Variants in MAJIN observed in about 807,000 individuals in gnomAD.
MAJIN encodes the protein membrane-anchored junction protein.
In MAJIN, 27 loss-of-function variants were observed where a neutral mutation model predicts 30.2. The observed-to-expected ratio is 0.89, with a 90% CI of 0.66 to 1.23. The LOEUF is 1.23. MAJIN is among the 50% of genes most tolerant of loss of function. MAJIN has a pLI of 0.00. For missense variants in MAJIN, 253 were observed against 260.3 expected (o/e 0.97, Z 0.19); for synonymous variants, 78 against 91.6 (o/e 0.85, Z 0.85).
intron 8 of MAJIN, among the ~76,000 whole-genome samples, chr11:64,945,692 C>T (rs1945440895): frequency 6.6e-6 from 1 of 151,904 alleles, no homozygotes; most frequent in African/African-American, 2.4e-5. Flanking sequence ...CCCACCACCA[C>T]ACTTGGCTAA....
rs1336029470 is a variant in MAJIN at position 64,950,368 on chromosome 11, G to A, written c.210C>T (p.Phe70=). ...DNLQPFATEH[F]IVFPYKSKWE... ...AAAAAAGGATACAGGGAAATACAAT[G>A]AAGTGTTCTGTAGCAAAGGGCTGAA... Residue 70 remains phenylalanine, a synonymous_variant, in exon 5 of 11, where the codon TTC becomes TTT. Coordinates refer to ENST00000301896, the MANE Select transcript of MAJIN (RefSeq NM_001037225.3). The A allele has an allele frequency of 7.3e-7, 1 of 1,376,328 alleles. No homozygotes were observed. The highest frequency in any genetic ancestry group is 1.2e-5 in the South Asian group (1 of 86,232). 85.3% of individuals were successfully genotyped at this position (1,376,328 alleles called of 1,614,324 possible).
At chr11:64,955,247 ATCAG>A (rs1364425226) in intron 3 of MAJIN, among the ~76,000 whole-genome samples, 3 of 152,266 alleles carry the variant, frequency 2.0e-5, no homozygotes, top group Non-Finnish European at 4.4e-5. Flanking sequence ...AGGCTGTACT[ATCAG>A]TCAAAGAAAT....
intron 9 of MAJIN, 50 bp downstream of exon 9, chr11:64,940,513 AGAACTACAAGG>A (rs1279234437): frequency 1.3e-6 from 2 of 1,533,742 alleles, no homozygotes; most frequent in Admixed American, 3.3e-5. Context: ...TACATATCAG[AGAACTACAAGG>A]GAAAGGGTGA....
intron 8 of MAJIN, among the ~76,000 whole-genome samples, chr11:64,944,258 C>G (rs1007702931): frequency 6.6e-6 from 1 of 152,236 alleles, no homozygotes; most frequent in Non-Finnish European, 1.5e-5. Flanking sequence ...ATTCGGACTT[C>G]TCCAGTAACA....
intron 6 of MAJIN, among the ~76,000 whole-genome samples, chr11:64,948,863 A>G (rs1311520449): frequency 6.8e-6 from 1 of 147,180 alleles, no homozygotes; most frequent in East Asian, 2.1e-4. Flanking sequence ...CACGTTGGTC[A>G]GGCTGGTCTT....
At chr11:64,942,464 T>C (rs1040630716) in intron 8 of MAJIN, among the ~76,000 whole-genome samples, 19 of 151,950 alleles carry the variant, frequency 1.3e-4, no homozygotes, top group Non-Finnish European at 1.9e-4. Context: ...CCAAAGTCCA[T>C]TGTATCATTC....
intron 4 of MAJIN, among the ~76,000 whole-genome samples, chr11:64,951,716 G>A (rs1945553649): frequency 7.1e-6 from 1 of 141,688 alleles, no homozygotes; most frequent in Admixed American, 7.3e-5. Flanking sequence ...AGTGAGCTAT[G>A]ATTGCATCAC....
chr11:64,966,230 A>C (rs1030142876), intron 1 of MAJIN, among the ~76,000 whole-genome samples: 22 of 151,546 alleles, frequency 1.5e-4, no homozygotes, highest in Admixed American at 5.9e-4. Flanking sequence ...GGAAAGAAAG[A>C]AAGCAATTTT....
rs200374744 is a variant in MAJIN at position 64,940,627 on chromosome 11, T to G, written c.493A>C (p.Asn165His). 5 of 1,614,112 alleles carry G rather than the reference T, an allele frequency of 3.1e-6. No individual in the cohort carries two copies. The African/African-American group carries it at 5.3e-5, about 17-fold the overall frequency. Residue 165 changes from asparagine to histidine, a missense_variant, in exon 9 of 11, where the codon AAC becomes CAC. Transcript: ENST00000301896. ...GLDRIGKEKP[N>H]KDCRRLWPLI... ...GGCCAGAGTCTCCTGCAATCCTTGT[T>G]GGGTTTTTCTTTCCCTATTCTGTTA...
intron 1 of MAJIN, among the ~76,000 whole-genome samples, chr11:64,962,422 T>C (rs542604878): frequency 2.7e-5 from 4 of 148,670 alleles, no homozygotes; most frequent in South Asian, 2.1e-4. Flanking sequence ...CATTGAGTAC[T>C]GTGGCCATGG....
In MAJIN at chr11:64,939,746, A is replaced by T; in HGVS notation, c.568T>A (p.Cys190Ser). The change falls in exon 10 of 11, where the codon TGC (cysteine) becomes AGC (serine). Residue 190 changes from cysteine (C) to serine (S), a missense_variant. Coordinates refer to ENST00000301896, the MANE Select transcript of MAJIN (RefSeq NM_001037225.3). The part of the protein sequence containing the change: ...RNKILSGDTA[C>S]QGELSHPCST... ...CAGGGGTGGGACAATTCGCCCTGGC[A>T]GGCTGTGTCCCCACTCAGAATCTGT... 4 of 1,613,970 alleles carry T rather than the reference A, an allele frequency of 2.5e-6. No individual in the cohort carries two copies. Among genetic ancestry groups the T allele is most frequent in the Non-Finnish European group, 3.4e-6 (4 of 1,179,908 alleles).
At chr11:64,964,622 T>A in intron 1 of MAJIN, among the ~76,000 whole-genome samples, 1 of 149,200 alleles carries the variant, frequency 6.7e-6, no homozygotes. Context: ...TGAGACAGAG[T>A]CTCACTCTGT....
chr11:64,939,272 T>C (rs1428384460), intron 10 of MAJIN, among the ~76,000 whole-genome samples: 1 of 152,170 alleles, frequency 6.6e-6, no homozygotes, highest in East Asian at 1.9e-4. Context: ...CGGCTAATTT[T>C]GTATTTTTAG....
chr11:64,959,315 TC>T lies in MAJIN; in HGVS notation c.90del (p.Lys31ArgfsTer8). ...TACCTTTGAAATTACCTGATACTCT[TC>T]CCATATCTGATTTTGAATTTATACA... ...PNVYKFKIRYGKSIRGEEIEN... is the reference protein window; with the variant it reads ...PNVYKFKIRYXKSIRGEEIEN... On this transcript the variant is annotated frameshift_variant, in exon 3 of 11. Transcript: ENST00000301896. LOFTEE classifies it high-confidence loss of function. 1 of 1,612,238 alleles carries T rather than the reference TC, an allele frequency of 6.2e-7. No homozygotes were observed. The highest frequency in any genetic ancestry group is 8.5e-7 in the Non-Finnish European group (1 of 1,178,278).
intron 1 of MAJIN, among the ~76,000 whole-genome samples, chr11:64,965,723 G>A (rs1055799330): frequency 6.6e-6 from 1 of 152,008 alleles, no homozygotes; most frequent in Non-Finnish European, 1.5e-5. Context: ...TTGGGAGGCC[G>A]AGGCGGGCTG....
At chr11:64,967,149 T>A (rs1945824639) in intron 1 of MAJIN, among the ~76,000 whole-genome samples, 2 of 151,866 alleles carry the variant, frequency 1.3e-5, no homozygotes, top group Admixed American at 1.3e-4. Flanking sequence ...GGCTCATACC[T>A]GTAATCCCAG....
intron 1 of MAJIN, among the ~76,000 whole-genome samples, chr11:64,970,089 C>T (rs955091576): frequency 1.3e-5 from 2 of 152,016 alleles, no homozygotes; most frequent in Non-Finnish European, 2.9e-5. Flanking sequence ...ATGGGCCAGG[C>T]GCAGTGACAC....
At chr11:64,968,125 G>A (rs1396075170) in intron 1 of MAJIN, among the ~76,000 whole-genome samples, 7 of 152,172 alleles carry the variant, frequency 4.6e-5, no homozygotes. Context: ...TGAAGAGAGA[G>A]AGGAGGGAGA....
intron 4 of MAJIN, among the ~76,000 whole-genome samples, chr11:64,951,828 C>T (rs1344101834): frequency 6.7e-6 from 1 of 149,906 alleles, no homozygotes; most frequent in African/African-American, 2.5e-5. Context: ...CATAGTAGCA[C>T]AGTGTCTAGC....
Sources: gnomAD v4.1 joint callset for allele counts (sites outside exome capture counted in the v4.1 genomes callset) on GRCh38, gnomAD v4.1.1 for gene constraint, MANE v1.5 for transcripts, NCBI Gene and HGNC (gene_info 2026-07-23, HGNC 2026-07-21) for gene names.